The following MYRIP variants were observed in gnomAD, a reference collection of about 807,000 sequenced individuals.
MYRIP encodes the protein rab effector MyRIP.
A neutral mutation model predicts 98.0 loss-of-function variants in MYRIP; 49 were observed. The ratio of observed to expected loss-of-function variants is 0.50; its 90% CI spans 0.40 to 0.63. The LOEUF (loss-of-function observed/expected upper bound fraction) is 0.63, where lower values mean the gene tolerates loss of function less well. Ranked by LOEUF, MYRIP falls within the 30% of genes least tolerant of loss-of-function variation. MYRIP has a pLI of 0.00. For missense variants in MYRIP, 1,004 were observed against 1,058.2 expected (o/e 0.95, Z 0.71); for synonymous variants, 404 against 409.5 (o/e 0.99, Z 0.16).
intron 2 of MYRIP, among the ~76,000 whole-genome samples, chr3:39,926,759 T>G (rs1944428745): frequency 1.3e-5 from 2 of 152,018 alleles, no homozygotes; most frequent in African/African-American, 4.8e-5. Context: ...AGTTCGAAAT[T>G]GGGTAATGTG....
intron 3 of MYRIP, among the ~76,000 whole-genome samples, chr3:40,075,571 G>T (rs1402440254): frequency 6.6e-6 from 1 of 152,168 alleles, no homozygotes; most frequent in Non-Finnish European, 1.5e-5. Flanking sequence ...GTGTGCAGTA[G>T]TACCCATCTC....
At chr3:40,232,762 T>C (rs1952697922) in intron 11 of MYRIP, 1 of 152,228 alleles carries the variant, frequency 6.6e-6, no homozygotes, top group South Asian at 2.1e-4. Context: ...GCTTCATTAA[T>C]GACATTGGCC....
chr3:40,131,068 C>T (rs890081023), intron 3 of MYRIP, among the ~76,000 whole-genome samples: 2 of 152,124 alleles, frequency 1.3e-5, no homozygotes, highest in East Asian at 3.9e-4. Flanking sequence ...ATGGTCCATA[C>T]AAACCTAGAA....
At chr3:39,811,772 T>C (rs1940703191) in intron 1 of MYRIP, among the ~76,000 whole-genome samples, 1 of 152,062 alleles carries the variant, frequency 6.6e-6, no homozygotes, top group African/African-American at 2.4e-5. Flanking sequence ...TTCGTTTGTC[T>C]GCGTGTATGG....
chr3:40,026,848 T>C (rs980083158), intron 2 of MYRIP, among the ~76,000 whole-genome samples: 1 of 152,170 alleles, frequency 6.6e-6, no homozygotes, highest in African/African-American at 2.4e-5. Flanking sequence ...TCCTTGTTCC[T>C]CCTCAGTCCT....
At chr3:39,837,846 G>A (rs1256347650) in intron 1 of MYRIP, among the ~76,000 whole-genome samples, 1 of 152,224 alleles carries the variant, frequency 6.6e-6, no homozygotes, top group Non-Finnish European at 1.5e-5. Context: ...TCTTATCCAT[G>A]AGCATGGAAT....
intron 1 of MYRIP, among the ~76,000 whole-genome samples, chr3:39,881,197 A>C (rs796960509): frequency 6.6e-6 from 1 of 151,518 alleles, no homozygotes. Context: ...GTTTTCTTCA[A>C]CTCTGAGCAT....
intron 3 of MYRIP, among the ~76,000 whole-genome samples, chr3:40,129,227 A>C (rs546911318): frequency 4.0e-5 from 6 of 151,770 alleles, no homozygotes; most frequent in African/African-American, 1.5e-4. Context: ...ACTTGAGCTC[A>C]GGAGTTCAAG....
intron 10 of MYRIP, among the ~76,000 whole-genome samples, chr3:40,197,727 T>TATC (rs1951437967): frequency 6.6e-6 from 1 of 152,236 alleles, no homozygotes; most frequent in Admixed American, 6.5e-5. Context: ...GCAAAACTGC[T>TATC]ATCAGACACT....
chr3:40,219,335 A>G (rs986149945), intron 11 of MYRIP, among the ~76,000 whole-genome samples: 4 of 152,306 alleles, frequency 2.6e-5, no homozygotes, highest in African/African-American at 9.6e-5. Context: ...TTTATTTTTT[A>G]AACTTTATTA....
At chr3:40,192,376 CTTT>C (rs1312116546) in intron 10 of MYRIP, among the ~76,000 whole-genome samples, 2 of 79,904 alleles carry the variant, frequency 2.5e-5, no homozygotes, top group Non-Finnish European at 5.1e-5. Flanking sequence ...AAGTTATTTA[CTTT>C]TTAATTATAT....
chr3:40,148,511 T>C (rs970588736), intron 3 of MYRIP, among the ~76,000 whole-genome samples: 6 of 152,188 alleles, frequency 3.9e-5, no homozygotes, highest in Admixed American at 3.9e-4. Context: ...CCAGAAAATG[T>C]ATGTTGATTT....
chr3:40,161,650 G>A (rs546738281), intron 4 of MYRIP, among the ~76,000 whole-genome samples: 14 of 152,266 alleles, frequency 9.2e-5, no homozygotes, highest in Middle Eastern at 6.8e-3. Context: ...AGTCTCTCCT[G>A]TTTTCTAAAC....
At chr3:40,100,048 G>C (rs1314240232) in intron 3 of MYRIP, 1 of 984,924 alleles carries the variant, frequency 1.0e-6, no homozygotes, top group Non-Finnish European at 1.2e-6. Context: ...CCTTCACTCT[G>C]GTATTGCTCT....
Position 40,214,500 on chromosome 3 carries a change from C to A in MYRIP, c.1905+4407C>A, listed in dbSNP as rs116408973. Among the ~76,000 whole-genome samples, 326 of 152,320 alleles carry A rather than the reference C, an allele frequency of 2.1e-3. 1 individual carries two copies. Among genetic ancestry groups the A allele is most frequent in the African/African-American group, 7.1e-3 (294 of 41,558 alleles). ...AAACCTTTGCTGTATGCAAACATAT[C>A]CCTACAGTTGGATTAAATGTCTTCC... On this transcript the variant is annotated intron_variant, in intron 11 of 16. Coordinates refer to ENST00000302541, the MANE Select transcript of MYRIP (RefSeq NM_015460.4).
At chr3:40,039,451 G>C (rs1947460594) in intron 2 of MYRIP, among the ~76,000 whole-genome samples, 1 of 152,126 alleles carries the variant, frequency 6.6e-6, no homozygotes, top group South Asian at 2.1e-4. Flanking sequence ...TTTCAAGAAT[G>C]TAAGAATAAT....
At position 39,820,917 on chromosome 3, in the gene MYRIP, C is replaced by T. The variant is rs1941083193; in HGVS notation, c.-31+11001C>T. Among the ~76,000 whole-genome samples, 3 of 152,056 alleles carry T rather than the reference C, an allele frequency of 2.0e-5. No homozygotes were observed. The South Asian group carries it at 6.2e-4, about 32-fold the overall frequency. Reference sequence around the variant, plus strand: ...CCAAGTACCTGATGCATGTTCTTCCCACTCCCCCTGCCACCATCCACTTTC... The same window carrying T: ...CCAAGTACCTGATGCATGTTCTTCCTACTCCCCCTGCCACCATCCACTTTC... On this transcript the variant is annotated intron_variant, in intron 1 of 16. Transcript: ENST00000302541.
chr3:40,147,933 C>T (rs535804840), intron 3 of MYRIP, among the ~76,000 whole-genome samples: 1 of 152,166 alleles, frequency 6.6e-6, no homozygotes, highest in South Asian at 2.1e-4. Flanking sequence ...TCCCAAGATC[C>T]TCTTTCTTGG....
At chr3:40,084,383 A>ATATCTATAATACACATCTATGTATTATC (rs1948560929) in intron 3 of MYRIP, among the ~76,000 whole-genome samples, 1 of 135,544 alleles carries the variant, frequency 7.4e-6, no homozygotes, top group African/African-American at 2.9e-5. Context: ...TATGTATTAT[A>ATATCTATAATACACATCTATGTATTATC]TATCGATAGA....
Sources: gnomAD v4.1 joint callset for allele counts (sites outside exome capture counted in the v4.1 genomes callset) on GRCh38, gnomAD v4.1.1 for gene constraint, MANE v1.5 for transcripts, NCBI Gene and HGNC (gene_info 2026-07-23, HGNC 2026-07-21) for gene names.